The following NCALD variants were observed in gnomAD, a reference collection of about 807,000 sequenced individuals.
The protein encoded by NCALD is neurocalcin delta.
A neutral mutation model predicts 18.6 loss-of-function variants in NCALD; 10 were observed. That is an observed-to-expected ratio of 0.54 (90% CI 0.33 to 0.91). The LOEUF is 0.91. Ranked by LOEUF, NCALD falls within the 40% of genes least tolerant of loss-of-function variation. The pLI, the probability that NCALD is intolerant of heterozygous loss-of-function variation, is 0.03. For synonymous variants in NCALD, 88 were observed against 87.4 expected, an observed-to-expected ratio of 1.01 and a Z score of -0.04; for missense variants, 184 against 247.6, an observed-to-expected ratio of 0.74 and a Z score of 1.72.
chr8:101,952,148 G>A (rs1819451299), intron 2 of NCALD, among the ~76,000 whole-genome samples: 1 of 152,174 alleles, frequency 6.6e-6, no homozygotes. Context: ...TATCTGGGAG[G>A]AAGCCCCAGA....
At chr8:101,872,044 T>C in intron 4 of NCALD, 2 of 1,317,244 alleles carry the variant, frequency 1.5e-6, no homozygotes, top group Non-Finnish European at 2.2e-6. Context: ...TCCTTCCAAG[T>C]AAACAAATAC....
At chr8:102,012,449 GT>G (rs1252512035) in intron 2 of NCALD, among the ~76,000 whole-genome samples, 1 of 152,218 alleles carries the variant, frequency 6.6e-6, no homozygotes, top group Admixed American at 6.5e-5. Flanking sequence ...ATTGCTAAGA[GT>G]TTCCAAATCA....
At chr8:102,028,828 T>C (rs906975420) in intron 1 of NCALD, among the ~76,000 whole-genome samples, 5 of 152,062 alleles carry the variant, frequency 3.3e-5, no homozygotes, top group Non-Finnish European at 5.9e-5. Context: ...CAAGATAATT[T>C]TGAGAGTAAA....
intron 4 of NCALD, among the ~76,000 whole-genome samples, chr8:101,886,685 C>T (rs1375617923): frequency 6.6e-6 from 1 of 152,144 alleles, no homozygotes; most frequent in Non-Finnish European, 1.5e-5. Flanking sequence ...AATAGAATTT[C>T]AAAAGAATCT....
chr8:101,949,502 G>C (rs946989288), intron 2 of NCALD, among the ~76,000 whole-genome samples: 2 of 152,064 alleles, frequency 1.3e-5, no homozygotes, highest in Non-Finnish European at 2.9e-5. Context: ...GAGAGGCTGT[G>C]GGTCAAACGA....
At chr8:101,889,770 T>C (rs761144805) in intron 3 of NCALD, among the ~76,000 whole-genome samples, 1 of 152,232 alleles carries the variant, frequency 6.6e-6, no homozygotes, top group Non-Finnish European at 1.5e-5. Context: ...CTTCCTTGAC[T>C]TTCTCATCCA....
chr8:102,113,896 C>T (rs1252429811), intron 1 of NCALD, among the ~76,000 whole-genome samples: 1 of 152,232 alleles, frequency 6.6e-6, no homozygotes, highest in Non-Finnish European at 1.5e-5. Flanking sequence ...CCCCAAACAA[C>T]CGTGAATCAG....
At chr8:101,711,340 C>CA (rs572095070) in intron 2 of NCALD, among the ~76,000 whole-genome samples, 30 of 152,122 alleles carry the variant, frequency 2.0e-4, no homozygotes, top group Middle Eastern at 3.4e-3. Context: ...CTGAAAATTC[C>CA]AAAAACCAGA....
intron 2 of NCALD, among the ~76,000 whole-genome samples, chr8:101,973,609 T>C (rs1034883969): frequency 6.6e-6 from 1 of 152,136 alleles, no homozygotes; most frequent in Non-Finnish European, 1.5e-5. Context: ...TGAGAATTGT[T>C]TGGGGTAAAC....
At chr8:101,897,576 T>G (rs1040772040) in intron 3 of NCALD, among the ~76,000 whole-genome samples, 3 of 152,200 alleles carry the variant, frequency 2.0e-5, no homozygotes, top group Non-Finnish European at 2.9e-5. Context: ...GACATTTTGT[T>G]TGTTTCCAGT....
intron 4 of NCALD, among the ~76,000 whole-genome samples, chr8:101,821,068 G>C (rs1419550356): frequency 6.6e-6 from 1 of 152,126 alleles, no homozygotes; most frequent in Admixed American, 6.5e-5. Context: ...ATATACACAA[G>C]ATTTGATTCA....
intron 2 of NCALD, among the ~76,000 whole-genome samples, chr8:101,955,929 A>G (rs1303199483): frequency 6.6e-6 from 1 of 152,174 alleles, no homozygotes; most frequent in Non-Finnish European, 1.5e-5. Flanking sequence ...TTTAAGGGTA[A>G]TGGGATGTGG....
intron 4 of NCALD, among the ~76,000 whole-genome samples, chr8:101,855,917 C>T: frequency 6.6e-6 from 1 of 152,178 alleles, no homozygotes; most frequent in East Asian, 1.9e-4. Context: ...ATTTTCCCTT[C>T]CTTTATTTGA....
chr8:101,986,232 T>C (rs1820807237), intron 2 of NCALD, among the ~76,000 whole-genome samples: 2 of 152,188 alleles, frequency 1.3e-5, no homozygotes, highest in African/African-American at 4.8e-5. Context: ...GGTTTCACCA[T>C]GTTGGCCAGG....
intron 1 of NCALD, among the ~76,000 whole-genome samples, chr8:102,095,270 G>C (rs1208721068): frequency 6.6e-6 from 1 of 152,178 alleles, no homozygotes; most frequent in Admixed American, 6.5e-5. Flanking sequence ...TGGAGTGAGG[G>C]AGGCAGGACC....
At chr8:101,803,996 T>G (rs1812964725) in intron 4 of NCALD, among the ~76,000 whole-genome samples, 1 of 152,034 alleles carries the variant, frequency 6.6e-6, no homozygotes, top group South Asian at 2.1e-4. Context: ...GTTGTCTTAT[T>G]TTAAGAAATA....
At chr8:101,797,910 T>C (rs1011614883) in intron 4 of NCALD, among the ~76,000 whole-genome samples, 20 of 151,990 alleles carry the variant, frequency 1.3e-4, no homozygotes, top group Middle Eastern at 3.4e-3. Flanking sequence ...CTGAGACCCA[T>C]GGGACTATAA....
intron 2 of NCALD, among the ~76,000 whole-genome samples, chr8:101,999,809 T>A (rs915210481): frequency 4.6e-5 from 7 of 152,000 alleles, no homozygotes; most frequent in African/African-American, 1.7e-4. Flanking sequence ...TCGAAAAACA[T>A]TTTTCTGAAT....
At chr8:102,068,353 C>T (rs1239802796) in intron 1 of NCALD, among the ~76,000 whole-genome samples, 2 of 152,224 alleles carry the variant, frequency 1.3e-5, no homozygotes, top group African/African-American at 4.8e-5. Flanking sequence ...TTCACAGCAT[C>T]CGCTATTTCT....
Sources: gnomAD v4.1 joint callset for allele counts (sites outside exome capture counted in the v4.1 genomes callset) on GRCh38, gnomAD v4.1.1 for gene constraint, MANE v1.5 for transcripts, NCBI Gene and HGNC (gene_info 2026-07-23, HGNC 2026-07-21) for gene names.